The following FGGY variants were observed in gnomAD, a reference collection of about 807,000 sequenced individuals.
FGGY encodes FGGY carbohydrate kinase domain containing.
In FGGY, 72 loss-of-function variants were observed where a neutral mutation model predicts 71.3. The observed-to-expected ratio is 1.01, with a 90% CI of 0.84 to 1.23. The LOEUF (loss-of-function observed/expected upper bound fraction) is 1.23. FGGY is among the 50% of genes most tolerant of loss of function. The pLI, the probability that FGGY is intolerant of heterozygous loss-of-function variation, is 0.00. For synonymous variants in FGGY, 251 were observed against 250.3 expected, an observed-to-expected ratio of 1.00 and a Z score of -0.02; for missense variants, 668 against 682.3, an observed-to-expected ratio of 0.98 and a Z score of 0.23.
At chr1:59,302,089 G>A (rs555848641) in intron 1 of FGGY, among the ~76,000 whole-genome samples, 1 of 150,350 alleles carries the variant, frequency 6.7e-6, no homozygotes, top group Non-Finnish European at 1.5e-5. Flanking sequence ...ACATTTATTG[G>A]TTTTTTTTTC....
chr1:59,433,581 T>A (rs1387068640), intron 5 of FGGY, among the ~76,000 whole-genome samples: 1 of 152,234 alleles, frequency 6.6e-6, no homozygotes, highest in Non-Finnish European at 1.5e-5. Flanking sequence ...TGGTACCACC[T>A]GGCAAAATCT....
intron 9 of FGGY, among the ~76,000 whole-genome samples, chr1:59,613,461 C>T (rs1221289647): frequency 1.3e-5 from 2 of 152,118 alleles, no homozygotes; most frequent in Non-Finnish European, 2.9e-5. Flanking sequence ...AGAACAAAGA[C>T]ACAACATACC....
At chr1:59,509,367 T>G (rs889578753) in intron 6 of FGGY, among the ~76,000 whole-genome samples, 5 of 152,192 alleles carry the variant, frequency 3.3e-5, no homozygotes, top group Non-Finnish European at 2.9e-5. Context: ...CAGTCTATCC[T>G]CTGCTATAAT....
At chr1:59,415,280 A>C (rs1025911431) in intron 5 of FGGY, among the ~76,000 whole-genome samples, 4 of 152,162 alleles carry the variant, frequency 2.6e-5, no homozygotes, top group African/African-American at 9.6e-5. Context: ...TACCTCAATA[A>C]AGTTGTTTTC....
At chr1:59,729,202 A>G (rs1044423301) in intron 14 of FGGY, among the ~76,000 whole-genome samples, 23 of 151,414 alleles carry the variant, frequency 1.5e-4, no homozygotes, top group Non-Finnish European at 2.9e-4. Context: ...TATTATTATC[A>G]TTATTATTAT....
At chr1:59,387,320 A>G (rs1414155032) in intron 5 of FGGY, among the ~76,000 whole-genome samples, 1 of 152,100 alleles carries the variant, frequency 6.6e-6, no homozygotes, top group Non-Finnish European at 1.5e-5. Context: ...GTATAAAAAT[A>G]TTTTTGACAT....
intron 14 of FGGY, among the ~76,000 whole-genome samples, chr1:59,695,844 G>T (rs1021650508): frequency 2.0e-5 from 3 of 151,952 alleles, no homozygotes; most frequent in African/African-American, 7.3e-5. Context: ...CTTCTTAAAT[G>T]ACATATTATC....
chr1:59,337,678 A>T (rs1239139408), intron 2 of FGGY, among the ~76,000 whole-genome samples: 1 of 152,168 alleles, frequency 6.6e-6, no homozygotes. Flanking sequence ...ATTAAGTAGA[A>T]ATCCAGTTGA....
intron 5 of FGGY, among the ~76,000 whole-genome samples, chr1:59,430,267 C>T (rs761003280): frequency 9.9e-5 from 15 of 152,124 alleles, no homozygotes; most frequent in Non-Finnish European, 2.2e-4. Context: ...GCAGTGTCAA[C>T]GCCTACTTCT....
chr1:59,437,519 C>A (rs2068741292), intron 5 of FGGY, among the ~76,000 whole-genome samples: 1 of 152,048 alleles, frequency 6.6e-6, no homozygotes, highest in African/African-American at 2.4e-5. Context: ...AATGTATTTG[C>A]CTTGATCCTG....
chr1:59,530,758 G>A (rs912369040), intron 7 of FGGY, among the ~76,000 whole-genome samples: 2 of 152,312 alleles, frequency 1.3e-5, no homozygotes, highest in South Asian at 2.1e-4. Context: ...GCAGAATACC[G>A]AGTATACTAT....
chr1:59,533,285 G>A (rs899070726), intron 7 of FGGY, among the ~76,000 whole-genome samples: 2 of 152,208 alleles, frequency 1.3e-5, no homozygotes, highest in Non-Finnish European at 2.9e-5. Context: ...CGAATATTGC[G>A]CTTTTCCGAC....
At chr1:59,312,415 T>C (rs1262462438) in intron 1 of FGGY, among the ~76,000 whole-genome samples, 2 of 152,234 alleles carry the variant, frequency 1.3e-5, no homozygotes, top group African/African-American at 4.8e-5. Flanking sequence ...AAACAACATA[T>C]ACTTTGGTAG....
At chr1:59,447,894 C>T (rs188932798) in intron 5 of FGGY, among the ~76,000 whole-genome samples, 4 of 152,082 alleles carry the variant, frequency 2.6e-5, no homozygotes, top group African/African-American at 4.8e-5. Context: ...ACTTTTCTTC[C>T]GTAGTGTGGG....
chr1:59,340,887 A>G (rs2050531810), intron 3 of FGGY, among the ~76,000 whole-genome samples: 1 of 152,186 alleles, frequency 6.6e-6, no homozygotes, highest in Non-Finnish European at 1.5e-5. Context: ...GACATTAGGG[A>G]GCAGTGGAGG....
rs901646114 is a variant in FGGY, at chr1:59,719,987, CT to C, written c.1513-37941del. On this transcript the variant is annotated intron_variant, in intron 14 of 15. Transcript: ENST00000303721. ...CATGTAGTAGAATGCCTTTATATAA[CT>C]TTCTTGTTAAAGTCAAGGTCAGAGC... Among the ~76,000 whole-genome samples the C allele has an allele frequency of 6.5e-4, 99 of 152,298 alleles. 1 individual carries two copies. The highest frequency in any genetic ancestry group is 1.0e-4 in the Non-Finnish European group (7 of 68,022).
At chr1:59,552,016 A>G (rs1558321064) in intron 7 of FGGY, among the ~76,000 whole-genome samples, 1 of 152,200 alleles carries the variant, frequency 6.6e-6, no homozygotes, top group South Asian at 2.1e-4. Flanking sequence ...AGGAGCTGAG[A>G]AGGGCTACAT....
At position 59,585,456 on chromosome 1, in the gene FGGY, T is replaced by C. The variant is rs567076694; in HGVS notation, c.904-22347T>C. On this transcript the variant is annotated intron_variant, in intron 8 of 15. Coordinates refer to ENST00000303721, the MANE Select transcript of FGGY (RefSeq NM_018291.5). The stretch of plus-strand genomic sequence containing the variant: ...GTTTAATAAATGGTGCTGGGAAAAC[T>C]GGCTAGCCATATGGAGAAAGCTGAA... Among the ~76,000 whole-genome samples, 213 of 152,294 alleles carry C rather than the reference T, an allele frequency of 1.4e-3. 1 individual carries two copies. The highest frequency in any genetic ancestry group is 4.5e-3 in the African/African-American group (187 of 41,566).
chr1:59,673,151 G>GAGAC (rs1042817710), intron 13 of FGGY, among the ~76,000 whole-genome samples: 14 of 152,330 alleles, frequency 9.2e-5, no homozygotes, highest in African/African-American at 2.6e-4. Flanking sequence ...TTTTGGAGGG[G>GAGAC]AGACAGACAT....
Sources: gnomAD v4.1 joint callset for allele counts (sites outside exome capture counted in the v4.1 genomes callset) on GRCh38, gnomAD v4.1.1 for gene constraint, MANE v1.5 for transcripts, NCBI Gene and HGNC (gene_info 2026-07-23, HGNC 2026-07-21) for gene names.